ILRUN: variants seen among roughly 807,000 people sequenced by gnomAD.
ILRUN encodes protein ILRUN.
Under a neutral mutation model 33.8 loss-of-function variants are expected in ILRUN, and 3 were observed. The observed-to-expected ratio is 0.09, with a 90% confidence interval of 0.04 to 0.23. The LOEUF (loss-of-function observed/expected upper bound fraction) is 0.23. Among genes scored for constraint, ILRUN ranks in the 10% least tolerant of loss-of-function variants. ILRUN has a pLI of 1.00. For missense variants in ILRUN, 210 were observed against 375.1 expected (o/e 0.56, Z 3.64); for synonymous variants, 124 against 138.9 (o/e 0.89, Z 0.75).
At chr6:34,635,612 CTTTTTT>C (rs778064465) in intron 3 of ILRUN, among the ~76,000 whole-genome samples, 1 of 104,574 alleles carries the variant, frequency 9.6e-6, no homozygotes, top group South Asian at 3.0e-4. Context: ...TCTTAGAAAG[CTTTTTT>C]TTTTTTTTTT....
chr6:34,649,554 C>CA (rs1307351321), intron 2 of ILRUN, among the ~76,000 whole-genome samples: 27 of 151,240 alleles, frequency 1.8e-4, no homozygotes, highest in Non-Finnish European at 3.5e-4. Context: ...AAAACAAAAA[C>CA]AAAAAAAACC....
intron 4 of ILRUN, among the ~76,000 whole-genome samples, chr6:34,596,326 C>T (rs1334724520): frequency 2.0e-5 from 3 of 152,116 alleles, no homozygotes; most frequent in African/African-American, 7.2e-5. Context: ...GGTGCGATCT[C>T]GACTCATTGC....
intron 4 of ILRUN, among the ~76,000 whole-genome samples, chr6:34,594,712 C>T (rs368995761): frequency 2.6e-5 from 4 of 152,326 alleles, no homozygotes; most frequent in South Asian, 4.1e-4. Flanking sequence ...GCTCCACAGT[C>T]ATTAGCTAAG....
intron 3 of ILRUN, among the ~76,000 whole-genome samples, chr6:34,630,850 A>G (rs1762230847): frequency 6.6e-6 from 1 of 151,994 alleles, no homozygotes; most frequent in Admixed American, 6.6e-5. Context: ...TCTCTTTTTC[A>G]GTTTTGGAAT....
At chr6:34,674,400 C>G (rs12665334) in intron 1 of ILRUN, among the ~76,000 whole-genome samples, 1 of 152,184 alleles carries the variant, frequency 6.6e-6, no homozygotes, top group African/African-American at 2.4e-5. Context: ...TATGAGAAAG[C>G]TGAGGCACAG....
At chr6:34,634,993 T>C (rs1322535829) in intron 3 of ILRUN, among the ~76,000 whole-genome samples, 1 of 152,316 alleles carries the variant, frequency 6.6e-6, no homozygotes, top group East Asian at 1.9e-4. Flanking sequence ...TAGAGTCACA[T>C]GTTGAAAAAA....
chr6:34,628,700 T>C (rs141898055), intron 3 of ILRUN, among the ~76,000 whole-genome samples: 1 of 152,298 alleles, frequency 6.6e-6, no homozygotes. Context: ...TCTAAGTTCA[T>C]GAGAAATAGT....
intron 1 of ILRUN, among the ~76,000 whole-genome samples, chr6:34,690,950 T>C (rs1164938329): frequency 6.6e-6 from 1 of 152,164 alleles, no homozygotes; most frequent in Non-Finnish European, 1.5e-5. Flanking sequence ...AGTGGCGTGA[T>C]CTCGGCTCAC....
intron 3 of ILRUN, among the ~76,000 whole-genome samples, chr6:34,622,757 T>C (rs1480968311): frequency 6.6e-6 from 1 of 152,124 alleles, no homozygotes; most frequent in East Asian, 1.9e-4. Context: ...GTATATAAAC[T>C]AAAGATCTGA....
chr6:34,640,900 A>G (rs1562013806), intron 3 of ILRUN, among the ~76,000 whole-genome samples: 1 of 151,016 alleles, frequency 6.6e-6, no homozygotes, highest in African/African-American at 2.4e-5. Context: ...ACAACATGGT[A>G]AAACCCCATC....
At position 34,682,632 on chromosome 6, in the gene ILRUN, C is replaced by A. The variant is rs968160764; in HGVS notation, c.158+13814G>T. Among the ~76,000 whole-genome samples, 8 of 151,886 alleles carry A rather than the reference C, an allele frequency of 5.3e-5. No individual in the cohort carries two copies. In the East Asian group the frequency reaches 1.4e-3, roughly 26 times the overall value. The stretch of plus-strand genomic sequence containing the variant: ...GGGACTACAAGTGCACGCCACCATG[C>A]CCAGCTAATTTTTGTATTTTTTGTA... On this transcript the variant is annotated intron_variant, in intron 1 of 4. Transcript: ENST00000374023.
chr6:34,655,247 G>A lies in ILRUN; in HGVS notation c.159-468C>T, dbSNP rs556793365. 1.4e-4 allele frequency among the ~76,000 whole-genome samples: 22 copies of A among 152,254 alleles called. No individual in the cohort carries two copies. In the East Asian group the frequency reaches 2.9e-3, roughly 20 times the overall value. ...CCATCTCAGCCTCCCAAAGTGCTAG[G>A]ATTATAGGCATGAGCCACTGAGCCC... On this transcript the variant is annotated intron_variant, in intron 1 of 4. Coordinates refer to ENST00000374023, the MANE Select transcript of ILRUN (RefSeq NM_024294.4).
Position 34,650,575 on chromosome 6 carries a change from C to T in ILRUN, c.314-3777G>A, listed in dbSNP as rs1176135000. Among the ~76,000 whole-genome samples, 6 of 151,746 alleles carry T rather than the reference C, an allele frequency of 4.0e-5. No individual in the cohort carries two copies. The South Asian group carries it at 8.3e-4, about 21-fold the overall frequency. The stretch of plus-strand genomic sequence containing the variant: ...CCTCCCGAATACGTGGGATTACAGG[C>T]GCCTGCCACCATGCCTGGCTAATTT... On this transcript the variant is annotated intron_variant, in intron 2 of 4. Coordinates refer to ENST00000374023, the MANE Select transcript of ILRUN (RefSeq NM_024294.4).
chr6:34,591,856 T>A (rs1761300296), intron 4 of ILRUN, among the ~76,000 whole-genome samples: 1 of 152,190 alleles, frequency 6.6e-6, no homozygotes, highest in Admixed American at 6.5e-5. Context: ...AATCCAAATT[T>A]GATGGACTGC....
intron 3 of ILRUN, among the ~76,000 whole-genome samples, chr6:34,634,857 A>G (rs1294713195): frequency 6.6e-6 from 1 of 150,570 alleles, no homozygotes; most frequent in Non-Finnish European, 1.5e-5. Flanking sequence ...AATAACACCA[A>G]TTCTATAAAA....
chr6:34,651,293 C>T (rs552838988), intron 2 of ILRUN, among the ~76,000 whole-genome samples: 1 of 152,142 alleles, frequency 6.6e-6, no homozygotes, highest in African/African-American at 2.4e-5. Context: ...ACAAGAATGC[C>T]CTTTCACACA....
intron 2 of ILRUN, among the ~76,000 whole-genome samples, chr6:34,648,328 C>T (rs1213662561): frequency 1.3e-5 from 2 of 152,104 alleles, no homozygotes; most frequent in Non-Finnish European, 1.5e-5. Context: ...TCTCTAAGTG[C>T]CCAGTTTTGA....
chr6:34,665,946 G>T (rs1762988216), intron 1 of ILRUN, among the ~76,000 whole-genome samples: 1 of 144,898 alleles, frequency 6.9e-6, no homozygotes. Flanking sequence ...TTTCATCTAT[G>T]CTTAAAAAAA....
intron 3 of ILRUN, among the ~76,000 whole-genome samples, chr6:34,629,896 A>G (rs1762210165): frequency 6.6e-6 from 1 of 152,226 alleles, no homozygotes; most frequent in Non-Finnish European, 1.5e-5. Context: ...GCCTGAAAGT[A>G]TGGAAAGTAC....
Sources: gnomAD v4.1 joint callset for allele counts (sites outside exome capture counted in the v4.1 genomes callset) on GRCh38, gnomAD v4.1.1 for gene constraint, MANE v1.5 for transcripts, NCBI Gene and HGNC (gene_info 2026-07-23, HGNC 2026-07-21) for gene names.